The following PDE3A variants were observed in gnomAD, a reference collection of about 807,000 sequenced individuals.
PDE3A encodes the protein cGMP-inhibited 3',5'-cyclic phosphodiesterase 3A.
Under a neutral mutation model 98.3 loss-of-function variants are expected in PDE3A, and 43 were observed. The observed-to-expected ratio is 0.44, with a 90% confidence interval of 0.34 to 0.56. The LOEUF (loss-of-function observed/expected upper bound fraction) is 0.56, where lower values mean the gene tolerates loss of function less well. Among genes scored for constraint, PDE3A ranks in the 20% least tolerant of loss-of-function variants. The pLI is 0.01. For synonymous variants in PDE3A, 663 were observed against 567.9 expected (o/e 1.17, Z -2.38); for missense variants, 1,427 against 1,440.7 (o/e 0.99, Z 0.15).
chr12:20,628,337 G>A (rs761682439), intron 5 of PDE3A, among the ~76,000 whole-genome samples: 6 of 152,058 alleles, frequency 3.9e-5, no homozygotes, highest in South Asian at 2.1e-4. Context: ...AAGGTTTGTC[G>A]TTATCTTTGG....
At chr12:20,529,546 G>C (rs1371010376) in intron 1 of PDE3A, among the ~76,000 whole-genome samples, 1 of 152,064 alleles carries the variant, frequency 6.6e-6, no homozygotes, top group African/African-American at 2.4e-5. Flanking sequence ...TTATAAAAAA[G>C]AGAAATTTGG....
chr12:20,521,160 G>A (rs914184500), intron 1 of PDE3A, among the ~76,000 whole-genome samples: 6 of 151,444 alleles, frequency 4.0e-5, no homozygotes, highest in Non-Finnish European at 8.8e-5. Context: ...GTATTCTTGG[G>A]GTTGTAAGAA....
At chr12:20,391,383 A>ATATATG (rs1943911119) in intron 1 of PDE3A, among the ~76,000 whole-genome samples, 1 of 135,770 alleles carries the variant, frequency 7.4e-6, no homozygotes, top group Admixed American at 7.8e-5. Context: ...ATATATATAT[A>ATATATG]TATATACACA....
At position 20,613,635 on chromosome 12, in the gene PDE3A, A is replaced by G; in HGVS notation, c.1204A>G (p.Ser402Gly). 2 of 1,613,654 alleles carry G rather than the reference A, an allele frequency of 1.2e-6. No homozygotes were observed. Among genetic ancestry groups the G allele is most frequent in the East Asian group, 2.2e-5 (1 of 44,858 alleles). The part of the protein sequence containing the change: ...KPRVNPVTSL[S>G]ENYTCSDSEE... ...CAGAGTGAATCCCGTCACTTCGCTC[A>G]GTGAAAACTATACCTGTTCTGACTC... The change falls in exon 3 of 16, where the codon AGT becomes GGT. Residue 402 changes from serine (S) to glycine (G), a missense_variant. Ser to Gly is a moderately conservative substitution (Grantham distance 56). Transcript: ENST00000359062.
chr12:20,540,026 C>T (rs964277522), intron 1 of PDE3A, among the ~76,000 whole-genome samples: 1 of 152,136 alleles, frequency 6.6e-6, no homozygotes, highest in African/African-American at 2.4e-5. Context: ...CCCTTAACCA[C>T]TGTGCAATGT....
At chr12:20,549,423 A>G (rs373997987) in intron 1 of PDE3A, among the ~76,000 whole-genome samples, 1 of 151,496 alleles carries the variant, frequency 6.6e-6, no homozygotes, top group East Asian at 1.9e-4. Context: ...AAGAAAATAC[A>G]CTGAAATAAT....
At chr12:20,397,700 C>A (rs553744478) in intron 1 of PDE3A, among the ~76,000 whole-genome samples, 72 of 152,042 alleles carry the variant, frequency 4.7e-4, no homozygotes, top group Non-Finnish European at 7.9e-4. Flanking sequence ...TAGAGATATT[C>A]TTTTCAATTT....
At chr12:20,526,794 A>G (rs1423595524) in intron 1 of PDE3A, among the ~76,000 whole-genome samples, 2 of 151,266 alleles carry the variant, frequency 1.3e-5, no homozygotes, top group African/African-American at 4.9e-5. Context: ...AGTGTTTGTA[A>G]TTGATGATGT....
chr12:20,621,522 G>C (rs773859830), intron 5 of PDE3A, 111 bp downstream of exon 5: 31 of 626,732 alleles, frequency 4.9e-5, no homozygotes, highest in Non-Finnish European at 7.7e-5. Context: ...GATATGTTTG[G>C]TTTGTCTATT....
At chr12:20,398,057 T>G (rs1050067363) in intron 1 of PDE3A, among the ~76,000 whole-genome samples, 17 of 151,774 alleles carry the variant, frequency 1.1e-4, no homozygotes, top group African/African-American at 4.1e-4. Context: ...TTTTGTTTTT[T>G]TTTTCGGGAG....
chr12:20,660,905 C>A (rs780340701), intron 15 of PDE3A, among the ~76,000 whole-genome samples: 2 of 151,878 alleles, frequency 1.3e-5, no homozygotes, highest in Admixed American at 6.6e-5. Flanking sequence ...AAAAGACAAC[C>A]AAGAATGTGG....
At chr12:20,565,188 A>G (rs574096234) in intron 2 of PDE3A, among the ~76,000 whole-genome samples, 1 of 152,206 alleles carries the variant, frequency 6.6e-6, no homozygotes, top group South Asian at 2.1e-4. Flanking sequence ...TGTAAAGCAA[A>G]TATACACATT....
intron 1 of PDE3A, among the ~76,000 whole-genome samples, chr12:20,475,211 G>A (rs1194022333): frequency 2.7e-5 from 4 of 150,688 alleles, no homozygotes; most frequent in Admixed American, 6.6e-5. Flanking sequence ...GTGTGTGTGT[G>A]TGTGTGTATG....
intron 1 of PDE3A, among the ~76,000 whole-genome samples, chr12:20,542,017 G>A (rs1230650468): frequency 6.6e-6 from 1 of 152,012 alleles, no homozygotes; most frequent in South Asian, 2.1e-4. Flanking sequence ...GAAAGCCAAG[G>A]GTCGCGTAAT....
chr12:20,561,681 C>T (rs1175179648), intron 2 of PDE3A, among the ~76,000 whole-genome samples: 1 of 152,046 alleles, frequency 6.6e-6, no homozygotes, highest in Admixed American at 6.6e-5. Context: ...CTTCCCCTGG[C>T]TTCTCCCGGG....
At chr12:20,558,474 C>T (rs1195929837) in intron 2 of PDE3A, among the ~76,000 whole-genome samples, 1 of 151,782 alleles carries the variant, frequency 6.6e-6, no homozygotes, top group Non-Finnish European at 1.5e-5. Flanking sequence ...AATAGCTATT[C>T]TAAATATAGT....
chr12:20,489,619 T>G (rs981151679), intron 1 of PDE3A, among the ~76,000 whole-genome samples: 8 of 152,284 alleles, frequency 5.3e-5, no homozygotes, highest in African/African-American at 1.9e-4. Flanking sequence ...CTAACTGATG[T>G]TTTATATATG....
At chr12:20,664,891 C>CATCTT (rs1228709531) in intron 15 of PDE3A, among the ~76,000 whole-genome samples, 53 of 152,158 alleles carry the variant, frequency 3.5e-4, no homozygotes, top group Admixed American at 3.5e-3. Flanking sequence ...TTTCTCAGTA[C>CATCTT]ATCTTACCAA....
rs1399805874 is a variant in PDE3A, at chr12:20,683,518, T to A, written c.*3247T>A. On this transcript the variant is annotated 3_prime_UTR_variant, in exon 16 of 16. Transcript: ENST00000359062. ...AGTAAGAGACCAGGTGTATTCTGAG[T>A]GTCATCAGTGTTATTTTCAGCATGC... is the stretch of plus-strand genomic sequence containing the variant. 6.6e-6 allele frequency: 1 copy of A among 152,138 alleles called. No individual in the cohort carries two copies. The highest frequency in any genetic ancestry group is 1.5e-5 in the Non-Finnish European group (1 of 67,996). The allele number at this position is 152,138 out of a possible 1,614,324, so 9.4% of individuals were successfully genotyped here.
Sources: allele counts gnomAD v4.1 joint callset (sites outside exome capture counted in the v4.1 genomes callset), GRCh38; gene constraint gnomAD v4.1.1; transcripts MANE v1.5; gene names NCBI Gene and HGNC (gene_info 2026-07-23, HGNC 2026-07-21).